Variants in MYO1D observed in about 807,000 individuals in gnomAD.
MYO1D encodes unconventional myosin-Id.
Under a neutral mutation model 122.0 loss-of-function variants are expected in MYO1D, and 83 were observed. The ratio of observed to expected loss-of-function variants is 0.68; its 90% CI spans 0.57 to 0.82. MYO1D has a LOEUF of 0.82. MYO1D is among the 40% of genes least tolerant of loss of function. The pLI is 0.00. For missense variants in MYO1D, 1,157 were observed against 1,269.5 expected (o/e 0.91, Z 1.35); for synonymous variants, 464 against 446.9 (o/e 1.04, Z -0.48).
intron 1 of MYO1D, among the ~76,000 whole-genome samples, chr17:32,823,168 C>T (rs566307978): frequency 1.3e-5 from 2 of 152,190 alleles, no homozygotes; most frequent in Admixed American, 6.5e-5. Flanking sequence ...ATAGGCACCC[C>T]TTTTCCTCGT....
chr17:32,609,308 A>G (rs1347216666), intron 20 of MYO1D, among the ~76,000 whole-genome samples: 1 of 152,210 alleles, frequency 6.6e-6, no homozygotes, highest in Non-Finnish European at 1.5e-5. Context: ...AGGTGCTATC[A>G]GCCAGGCGGG....
chr17:32,876,546 C>G lies in MYO1D; in HGVS notation c.95+232G>C, dbSNP rs534854157. On this transcript the variant is annotated intron_variant, in intron 1 of 21. Transcript: ENST00000318217. The stretch of plus-strand genomic sequence containing the variant: ...GGGCTCCCCTCTCAGGGAAGCGCGG[C>G]CCTTGAGCTCGACACGCCCCCCGCA... 1.3e-4 allele frequency among the ~76,000 whole-genome samples: 20 copies of G among 152,266 alleles called. No homozygotes were observed. The South Asian group carries it at 3.9e-3, about 30-fold the overall frequency.
intron 21 of MYO1D, among the ~76,000 whole-genome samples, chr17:32,582,382 C>T (rs1395225379): frequency 6.6e-6 from 1 of 152,164 alleles, no homozygotes; most frequent in Non-Finnish European, 1.5e-5. Context: ...TCATGAAGTT[C>T]AAAATACTAA....
chr17:32,832,120 CTT>C (rs893648264), intron 1 of MYO1D, among the ~76,000 whole-genome samples: 2 of 145,776 alleles, frequency 1.4e-5, no homozygotes. Context: ...TTCTTTCTTT[CTT>C]TTTTTTTTTG....
At chr17:32,807,738 G>A (rs547554189) in intron 1 of MYO1D, among the ~76,000 whole-genome samples, 7 of 152,300 alleles carry the variant, frequency 4.6e-5, no homozygotes, top group African/African-American at 7.2e-5. Flanking sequence ...AGCAGCTTGC[G>A]TGCTCAGGGA....
chr17:32,855,949 G>A (rs532934530), intron 1 of MYO1D, among the ~76,000 whole-genome samples: 4 of 152,192 alleles, frequency 2.6e-5, no homozygotes, highest in African/African-American at 7.2e-5. Context: ...TTATTCCCTT[G>A]TTCTTCTTTT....
chr17:32,872,921 C>T (rs1286337888), intron 1 of MYO1D, among the ~76,000 whole-genome samples: 1 of 151,920 alleles, frequency 6.6e-6, no homozygotes, highest in African/African-American at 2.4e-5. Flanking sequence ...TGGTCTGGAT[C>T]TCCTGACCTC....
At chr17:32,520,489 G>A (rs922522597) in intron 21 of MYO1D, among the ~76,000 whole-genome samples, 1 of 152,252 alleles carries the variant, frequency 6.6e-6, no homozygotes, top group African/African-American at 2.4e-5. Context: ...ATCAGGCAAA[G>A]TCCCACCTTT....
At chr17:32,623,032 A>G (rs1234425466) in intron 20 of MYO1D, among the ~76,000 whole-genome samples, 1 of 152,206 alleles carries the variant, frequency 6.6e-6, no homozygotes, top group Non-Finnish European at 1.5e-5. Flanking sequence ...ACTCAACAAG[A>G]TTTGTGAAAG....
rs113968608 is a variant in MYO1D at position 32,528,590 on chromosome 17, A to T, written c.2865-33675T>A. 6.0e-3 allele frequency among the ~76,000 whole-genome samples: 920 copies of T among 152,302 alleles called. 3 individuals are homozygous for T. The highest frequency in any genetic ancestry group is 0.021 in the African/African-American group (888 of 41,556). On this transcript the variant is annotated intron_variant, in intron 21 of 21. Coordinates refer to ENST00000318217, the MANE Select transcript of MYO1D (RefSeq NM_015194.3). ...GTGAATGTTACCGTACGTGGCAAAA[A>T]GGCCTGCAGATGGGATTATGTAAGG...
chr17:32,840,087 G>A (rs943795856), intron 1 of MYO1D, among the ~76,000 whole-genome samples: 3 of 152,268 alleles, frequency 2.0e-5, no homozygotes, highest in Admixed American at 1.3e-4. Flanking sequence ...TACCCCACTG[G>A]AGGCACTAGG....
chr17:32,787,465 CTGGAG>C (rs1251634590), intron 1 of MYO1D, among the ~76,000 whole-genome samples: 1 of 151,454 alleles, frequency 6.6e-6, no homozygotes, highest in Non-Finnish European at 1.5e-5. Context: ...GTCGCCCAGG[CTGGAG>C]TGCAGTGGCA....
At chr17:32,677,687 C>T (rs773858791) in intron 16 of MYO1D, among the ~76,000 whole-genome samples, 19 of 150,306 alleles carry the variant, frequency 1.3e-4, no homozygotes, top group Non-Finnish European at 1.6e-4. Flanking sequence ...AAAGGGCATA[C>T]GGTATAGTTT....
intron 21 of MYO1D, among the ~76,000 whole-genome samples, chr17:32,560,531 A>C (rs1425012126): frequency 0.018 from 275 of 14,954 alleles, 37 homozygotes; most frequent in African/African-American, 0.069. Context: ...GAGACAACAT[A>C]TATATATATA....
chr17:32,514,325 T>C (rs1487533029), intron 21 of MYO1D, among the ~76,000 whole-genome samples: 1 of 148,982 alleles, frequency 6.7e-6, no homozygotes, highest in Non-Finnish European at 1.5e-5. Context: ...ACTCCTGGGC[T>C]CAAGCCATCC....
chr17:32,790,529 T>C (rs1356575856), intron 1 of MYO1D, among the ~76,000 whole-genome samples: 2 of 152,228 alleles, frequency 1.3e-5, no homozygotes, highest in African/African-American at 2.4e-5. Flanking sequence ...TGCAAAGGAA[T>C]AGAGGACATA....
At chr17:32,524,907 T>C (rs1910293649) in intron 21 of MYO1D, among the ~76,000 whole-genome samples, 1 of 152,190 alleles carries the variant, frequency 6.6e-6, no homozygotes, top group African/African-American at 2.4e-5. Flanking sequence ...CTCGCTATGT[T>C]GCCCAGGTTG....
intron 8 of MYO1D, among the ~76,000 whole-genome samples, chr17:32,762,871 CAAAAAAAAAAGAAA>C (rs1186939543): frequency 2.6e-5 from 2 of 77,530 alleles, no homozygotes; most frequent in South Asian, 5.8e-4. Context: ...GACACCGTCT[CAAAAAAAAAAGAAA>C]AAAAAAAAAA....
chr17:32,656,246 A>T (rs904691996), intron 17 of MYO1D, among the ~76,000 whole-genome samples: 5 of 152,248 alleles, frequency 3.3e-5, no homozygotes, highest in African/African-American at 1.2e-4. Context: ...TTTAACTAAA[A>T]TGGAAAATTC....
Sources: allele counts gnomAD v4.1 joint callset (sites outside exome capture counted in the v4.1 genomes callset), GRCh38; gene constraint gnomAD v4.1.1; transcripts MANE v1.5; gene names NCBI Gene and HGNC (gene_info 2026-07-23, HGNC 2026-07-21).